The following ENTPD1 variants were observed in gnomAD, a reference collection of about 807,000 sequenced individuals.
ENTPD1 encodes the protein ectonucleoside triphosphate diphosphohydrolase 1, also known as ATP diphosphohydrolase.
In ENTPD1, 33 loss-of-function variants were observed where a neutral mutation model predicts 57.0. That is an observed-to-expected ratio of 0.58 (90% CI 0.44 to 0.77). The LOEUF (loss-of-function observed/expected upper bound fraction) is 0.77. Ranked by LOEUF, ENTPD1 falls within the 30% of genes least tolerant of loss-of-function variation. The pLI, the probability that ENTPD1 is intolerant of heterozygous loss-of-function variation, is 0.00. For synonymous variants in ENTPD1, 202 were observed against 218.8 expected (o/e 0.92, Z 0.68); for missense variants, 501 against 603.4 (o/e 0.83, Z 1.78).
At chr10:95,742,624 A>G (rs1402934474) in intron 1 of ENTPD1, among the ~76,000 whole-genome samples, 1 of 150,940 alleles carries the variant, frequency 6.6e-6, no homozygotes, top group Non-Finnish European at 1.5e-5. Flanking sequence ...CATTGAGTTC[A>G]ATGTAACAAG....
At chr10:95,774,193 T>C (rs1357978195) in intron 1 of ENTPD1, among the ~76,000 whole-genome samples, 3 of 152,236 alleles carry the variant, frequency 2.0e-5, no homozygotes, top group African/African-American at 7.2e-5. Context: ...TTTTTTCTTG[T>C]AAATTTGTTT....
rs2098478268 is a variant in ENTPD1 at position 95,869,597 on chromosome 10, C to T, written c.*3214C>T. On this transcript the variant is annotated 3_prime_UTR_variant, in exon 10 of 10. Coordinates refer to ENST00000371205, the MANE Select transcript of ENTPD1 (RefSeq NM_001776.6). The stretch of plus-strand genomic sequence containing the variant: ...AAAAGAATAATGCTACTTAATCAGG[C>T]TTTCTGTGTGACAAGAAAGAGAAAG... 1 of 985,172 alleles carries T rather than the reference C, an allele frequency of 1.0e-6. No homozygotes were observed. The highest frequency in any genetic ancestry group is 1.2e-6 in the Non-Finnish European group (1 of 829,872). The allele number at this position is 985,172 out of a possible 1,614,324, so 61.0% of individuals were successfully genotyped here.
intron 1 of ENTPD1, among the ~76,000 whole-genome samples, chr10:95,814,391 T>G (rs1379075500): frequency 6.6e-6 from 1 of 152,196 alleles, no homozygotes; most frequent in African/African-American, 2.4e-5. Flanking sequence ...TCTGTCACCA[T>G]TTGATTTTTG....
chr10:95,845,783 T>A, intron 6 of ENTPD1, 187 bp downstream of exon 6: 2 of 846,832 alleles, frequency 2.4e-6, no homozygotes, highest in South Asian at 3.3e-5. Context: ...AGACATCCCC[T>A]CCCATGTTTG....
At chr10:95,863,453 C>T (rs2098468788) in intron 8 of ENTPD1, among the ~76,000 whole-genome samples, 2 of 152,324 alleles carry the variant, frequency 1.3e-5, no homozygotes, top group South Asian at 2.1e-4. Context: ...GGAACCTGGA[C>T]AGGCAATGCC....
rs572749226 is a variant in ENTPD1, at chr10:95,734,903, G to A, written c.37+22910G>A. On this transcript the variant is annotated intron_variant, in intron 1 of 9. Transcript: ENST00000453258. Reference sequence around the variant, plus strand: ...CCTTTGTCATTGTGCAGGCTTCAGAGCAGAGACCTCTGTGCAATTTCTGTT... The same window carrying A: ...CCTTTGTCATTGTGCAGGCTTCAGAACAGAGACCTCTGTGCAATTTCTGTT... 2.6e-5 allele frequency among the ~76,000 whole-genome samples: 4 copies of A among 152,286 alleles called. No homozygotes were observed. In the South Asian group the frequency reaches 8.3e-4, roughly 32 times the overall value.
intron 2 of ENTPD1, among the ~76,000 whole-genome samples, chr10:95,838,521 T>C (rs1250311031): frequency 1.3e-5 from 2 of 152,194 alleles, no homozygotes; most frequent in African/African-American, 2.4e-5. Context: ...TCATCTTACA[T>C]AGTGTAAAGT....
At chr10:95,863,161 C>G (rs2140991404) in intron 8 of ENTPD1, among the ~76,000 whole-genome samples, 1 of 152,306 alleles carries the variant, frequency 6.6e-6, no homozygotes, top group African/African-American at 2.4e-5. Flanking sequence ...GGAGGCCAGA[C>G]TGCATAGCCA....
intron 7 of ENTPD1, among the ~76,000 whole-genome samples, chr10:95,858,320 G>A (rs1325028928): frequency 6.6e-6 from 1 of 152,144 alleles, no homozygotes; most frequent in East Asian, 1.9e-4. Flanking sequence ...AGGCTTGGCG[G>A]GGATTGAAAG....
chr10:95,841,739 AAC>A (rs2098423053), intron 3 of ENTPD1, among the ~76,000 whole-genome samples: 3 of 152,228 alleles, frequency 2.0e-5, no homozygotes, highest in South Asian at 4.1e-4. Context: ...CCTCCATAGC[AAC>A]AGTCGGTTTT....
In ENTPD1 at chr10:95,872,000, A is replaced by T. The variant is rs2098480985; in HGVS notation, c.*5617A>T. 2.0e-6 allele frequency: 2 copies of T among 985,318 alleles called. No homozygotes were observed. Among genetic ancestry groups the T allele is most frequent in the Admixed American group, 1.2e-4 (2 of 16,264 alleles). 61.0% of individuals were successfully genotyped at this position (985,318 alleles called of 1,614,324 possible). ...AACCCAGTTCCTCCTCCTGTGTTTT[A>T]CATGATTAATGCCACCCCTGCCTCA... On this transcript the variant is annotated 3_prime_UTR_variant, in exon 10 of 10. Coordinates refer to ENST00000371205, the MANE Select transcript of ENTPD1 (RefSeq NM_001776.6).
chr10:95,713,894 C>T (rs530961686), intron 1 of ENTPD1, among the ~76,000 whole-genome samples: 14 of 152,332 alleles, frequency 9.2e-5, no homozygotes, highest in African/African-American at 3.4e-4. Flanking sequence ...TAAATAGTTA[C>T]AGCTATTTTG....
the ENTPD1 span, among the ~76,000 whole-genome samples, chr10:95,703,342 T>C: frequency 6.6e-6 from 1 of 152,062 alleles, no homozygotes; most frequent in African/African-American, 2.4e-5. Flanking sequence ...TGAAGAGCAA[T>C]GGAAAGAATA....
chr10:95,826,239 G>A (rs1239499903), intron 2 of ENTPD1, among the ~76,000 whole-genome samples: 1 of 152,080 alleles, frequency 6.6e-6, no homozygotes, highest in Non-Finnish European at 1.5e-5. Context: ...AATATCTGAA[G>A]AATGATTGGA....
At chr10:95,712,582 G>A (rs530664097) in intron 1 of ENTPD1, among the ~76,000 whole-genome samples, 10 of 152,234 alleles carry the variant, frequency 6.6e-5, no homozygotes, top group African/African-American at 9.6e-5. Flanking sequence ...TTTGTCTTAA[G>A]TTCCATCTGT....
chr10:95,765,816 C>G (rs540707095), intron 1 of ENTPD1, among the ~76,000 whole-genome samples: 1 of 152,136 alleles, frequency 6.6e-6, no homozygotes, highest in Non-Finnish European at 1.5e-5. Flanking sequence ...AATCCATGAA[C>G]ATATGATGTC....
At chr10:95,715,981 C>T (rs917192583) in intron 1 of ENTPD1, among the ~76,000 whole-genome samples, 2 of 152,134 alleles carry the variant, frequency 1.3e-5, no homozygotes, top group African/African-American at 2.4e-5. Flanking sequence ...CCTTCCACCT[C>T]AGCCTCCTGA....
chr10:95,817,956 A>C (rs1566190624), intron 1 of ENTPD1, among the ~76,000 whole-genome samples: 1 of 152,182 alleles, frequency 6.6e-6, no homozygotes. Flanking sequence ...CAACTGAAAA[A>C]ATGAATGAGG....
At chr10:95,842,302 A>T in intron 3 of ENTPD1, 42 bp from the exon 4 acceptor site, 3 of 1,537,046 alleles carry the variant, frequency 2.0e-6, no homozygotes, top group Non-Finnish European at 2.7e-6. Context: ...ATGTTTTATA[A>T]TTTTTTTTTA....
Sources: allele counts gnomAD v4.1 joint callset (sites outside exome capture counted in the v4.1 genomes callset), GRCh38; gene constraint gnomAD v4.1.1; transcripts MANE v1.5; gene names NCBI Gene and HGNC (gene_info 2026-07-23, HGNC 2026-07-21).